The following PRKAG2 variants were observed in gnomAD, a reference collection of about 807,000 sequenced individuals.
PRKAG2 encodes the protein 5'-AMP-activated protein kinase subunit gamma-2.
A neutral mutation model predicts 69.6 loss-of-function variants in PRKAG2; 26 were observed. The ratio of observed to expected loss-of-function variants is 0.37; its 90% confidence interval spans 0.27 to 0.52. PRKAG2 has a LOEUF of 0.52. PRKAG2 is among the 20% of genes least tolerant of loss of function. The pLI is 0.90. For missense variants in PRKAG2, 557 were observed against 740.0 expected, an observed-to-expected ratio of 0.75 and a Z score of 2.87; for synonymous variants, 293 against 285.0, an observed-to-expected ratio of 1.03 and a Z score of -0.28.
chr7:151,598,682 C>T (rs1467935991), intron 5 of PRKAG2, among the ~76,000 whole-genome samples: 2 of 151,864 alleles, frequency 1.3e-5, no homozygotes, highest in East Asian at 1.9e-4. Flanking sequence ...TGTTAGCAGA[C>T]AGAAATTTAA....
rs1829948913 is a variant in PRKAG2, at chr7:151,659,254, G to A, written c.684+16166C>T. Among the ~76,000 whole-genome samples the A allele has an allele frequency of 2.6e-5, 4 of 152,232 alleles. No individual in the cohort carries two copies. The South Asian group carries it at 8.3e-4, about 32-fold the overall frequency. ...ATAGACTTAAAAAAAATTTGTGTTTGTTTTATCCAGGCCATAGATTCCTGC... is the reference window on the plus strand; with the variant it reads ...ATAGACTTAAAAAAAATTTGTGTTTATTTTATCCAGGCCATAGATTCCTGC... On this transcript the variant is annotated intron_variant, in intron 4 of 15. Coordinates refer to ENST00000287878, the MANE Select transcript of PRKAG2 (RefSeq NM_016203.4).
Position 151,609,762 on chromosome 7 carries a change from G to C in PRKAG2, c.755-14308C>G, listed in dbSNP as rs536836421. Among the ~76,000 whole-genome samples, 6 of 152,260 alleles carry C rather than the reference G, an allele frequency of 3.9e-5. No individual in the cohort carries two copies. The East Asian group carries it at 1.2e-3, about 29-fold the overall frequency. ...AAGGAGGATTGTCCCATCACTCCTG[G>C]GAATGGTTACTCCAATTTCAGAAGG... On this transcript the variant is annotated intron_variant, in intron 5 of 15. Coordinates refer to ENST00000287878, the MANE Select transcript of PRKAG2 (RefSeq NM_016203.4).
At chr7:151,595,948 T>A (rs1158694683) in intron 5 of PRKAG2, among the ~76,000 whole-genome samples, 1 of 151,942 alleles carries the variant, frequency 6.6e-6, no homozygotes, top group East Asian at 1.9e-4. Flanking sequence ...GGTGGAAGGG[T>A]CACTTGAGCC....
intron 1 of PRKAG2, among the ~76,000 whole-genome samples, chr7:151,868,473 G>A (rs563321261): frequency 1.3e-5 from 2 of 152,334 alleles, no homozygotes; most frequent in South Asian, 2.1e-4. Context: ...AGCGAGTCAC[G>A]GTTAAAGAAC....
intron 13 of PRKAG2, 92 bp downstream of exon 13, chr7:151,565,249 TATTAA>T: frequency 1.9e-6 from 2 of 1,027,840 alleles, no homozygotes; most frequent in Non-Finnish European, 2.7e-6. Context: ...GGTTAGAAAT[TATTAA>T]ATTAAGAAAC....
rs1405473648 is a variant in PRKAG2, at chr7:151,756,363, T to C, written c.466+24789A>G. On this transcript the variant is annotated intron_variant, in intron 3 of 15. Transcript: ENST00000287878. The surrounding 1 kb of genome is among the most constrained non-coding windows in gnomAD (Gnocchi z 4.9). ...CTGAGGCACCAAAGGTTTCCTGTCC[T>C]TGCAATGCTGGGAGGGACCCTAGAT... Among the ~76,000 whole-genome samples, 1 of 152,246 alleles carries C rather than the reference T, an allele frequency of 6.6e-6. No individual in the cohort carries two copies. The highest frequency in any genetic ancestry group is 6.5e-5 in the Admixed American group (1 of 15,294).
intron 3 of PRKAG2, among the ~76,000 whole-genome samples, chr7:151,702,401 C>T (rs928135717): frequency 1.4e-4 from 21 of 152,174 alleles, no homozygotes; most frequent in African/African-American, 4.3e-4. Flanking sequence ...CCGGAGCTTT[C>T]GTCCATGCTG....
chr7:151,670,089 T>C (rs1318800909), intron 4 of PRKAG2, among the ~76,000 whole-genome samples: 4 of 102,940 alleles, frequency 3.9e-5, no homozygotes, highest in East Asian at 3.3e-4. Flanking sequence ...CATGCACACA[T>C]ACCTGCATGC....
rs923854329 is a variant in PRKAG2 at position 151,754,047 on chromosome 7, CTG to C, written c.466+27103_466+27104del. Among the ~76,000 whole-genome samples the C allele has an allele frequency of 1.7e-4, 26 of 152,154 alleles. 1 individual carries two copies. Among genetic ancestry groups the C allele is most frequent in the African/African-American group, 5.6e-4 (23 of 41,434 alleles). ...AAAAAGAAAAAGAGCTACAGTGGGC[CTG>C]TGTGTTAAGTAAGAGCATGTGTTAG... On this transcript the variant is annotated intron_variant, in intron 3 of 15. Coordinates refer to ENST00000287878, the MANE Select transcript of PRKAG2 (RefSeq NM_016203.4).
At chr7:151,654,356 T>C (rs2151408320) in intron 4 of PRKAG2, among the ~76,000 whole-genome samples, 1 of 152,266 alleles carries the variant, frequency 6.6e-6, no homozygotes, top group South Asian at 2.1e-4. Flanking sequence ...CCTCCTTAAC[T>C]CATATGGCTC....
rs560080587 is a variant in PRKAG2 at position 151,605,936 on chromosome 7, C to CAAAAAAAAA, written c.755-10491_755-10483dup. On this transcript the variant is annotated intron_variant, in intron 5 of 15. Coordinates refer to ENST00000287878, the MANE Select transcript of PRKAG2 (RefSeq NM_016203.4). ...CTGGCGACAGAGCGAGACTCCGTCTCAAAAAAAAAAAAAAAAAAAAGAATT... is the reference window on the plus strand; with the variant it reads ...CTGGCGACAGAGCGAGACTCCGTCTCAAAAAAAAAAAAAAAAAAAAAAAAAAAAAGAATT... Among the ~76,000 whole-genome samples the CAAAAAAAAA allele has an allele frequency of 4.5e-3, 414 of 91,008 alleles. 13 individuals carry two copies. The highest frequency in any genetic ancestry group is 0.015 in the African/African-American group (400 of 25,842). 59.7% of individuals were successfully genotyped at this position (91,008 alleles called of 152,430 possible).
At chr7:151,865,887 GC>G (rs1563765860) in intron 1 of PRKAG2, among the ~76,000 whole-genome samples, 1 of 152,030 alleles carries the variant, frequency 6.6e-6, no homozygotes, top group African/African-American at 2.4e-5. Flanking sequence ...GGGTGTGGTG[GC>G]GGGCGCCCGT....
rs550804881 is a variant in PRKAG2 at position 151,799,856 on chromosome 7, C to T, written c.115-13315G>A. ...ACATGAAGGTGCCTGGGAGGTATGC[C>T]GCCCCCTCCAGAACCTCACACCGGC... On this transcript the variant is annotated intron_variant, in intron 1 of 15. Transcript: ENST00000287878. Among the ~76,000 whole-genome samples, 16 of 152,316 alleles carry T rather than the reference C, an allele frequency of 1.1e-4. No homozygotes were observed. The South Asian group carries it at 2.9e-3, about 28-fold the overall frequency.
At chr7:151,682,680 C>T (rs1459848898) in intron 3 of PRKAG2, among the ~76,000 whole-genome samples, 1 of 152,126 alleles carries the variant, frequency 6.6e-6, no homozygotes. Flanking sequence ...GAAGGAGGTG[C>T]TAAGATGGAT....
intron 2 of PRKAG2, among the ~76,000 whole-genome samples, chr7:151,783,052 C>G: frequency 6.6e-6 from 1 of 152,220 alleles, no homozygotes; most frequent in Non-Finnish European, 1.5e-5. Flanking sequence ...TCTGTCCCAC[C>G]ACGGGGTGCG....
chr7:151,728,902 T>C (rs1343208348), intron 3 of PRKAG2, among the ~76,000 whole-genome samples: 1 of 152,094 alleles, frequency 6.6e-6, no homozygotes, highest in Non-Finnish European at 1.5e-5. Flanking sequence ...TCTGGGTGAC[T>C]GGGATGGGGT....
chr7:151,655,233 G>A (rs961317604), intron 4 of PRKAG2, among the ~76,000 whole-genome samples: 3 of 152,134 alleles, frequency 2.0e-5, no homozygotes, highest in South Asian at 4.1e-4. Flanking sequence ...GCCCTACACT[G>A]CCATTCAAAG....
At chr7:151,801,956 C>T (rs2077862301) in intron 1 of PRKAG2, among the ~76,000 whole-genome samples, 1 of 152,208 alleles carries the variant, frequency 6.6e-6, no homozygotes, top group Non-Finnish European at 1.5e-5. Context: ...GGCCTGGTCA[C>T]TGAGGTGTCC....
intron 10 of PRKAG2, 101 bp from the exon 11 acceptor site, chr7:151,568,943 C>A: frequency 2.3e-6 from 3 of 1,321,468 alleles, no homozygotes; most frequent in Non-Finnish European, 3.3e-6. Flanking sequence ...TTTATTATTG[C>A]AATAATAACA....
Sources: gnomAD v4.1 joint callset for allele counts (sites outside exome capture counted in the v4.1 genomes callset) on GRCh38, gnomAD v4.1.1 for gene constraint, Gnocchi (gnomAD v3.1) non-coding constraint, MANE v1.5 for transcripts, NCBI Gene and HGNC (gene_info 2026-07-23, HGNC 2026-07-21) for gene names.